The following GPHN variants were observed in gnomAD, a reference collection of about 807,000 sequenced individuals.
GPHN encodes gephyrin.
Under a neutral mutation model 95.5 loss-of-function variants are expected in GPHN, and 17 were observed. That is an observed-to-expected ratio of 0.18 (90% CI 0.12 to 0.27). The LOEUF (loss-of-function observed/expected upper bound fraction) is 0.27. Ranked by LOEUF, GPHN falls within the 10% of genes least tolerant of loss-of-function variation. GPHN has a pLI of 1.00. For missense variants in GPHN, 660 were observed against 978.1 expected (o/e 0.67, Z 4.34); for synonymous variants, 320 against 322.5 (o/e 0.99, Z 0.08).
At chr14:67,690,103 G>A in the GPHN span, 47 of 885,344 alleles carry the variant, frequency 5.3e-5, no homozygotes, top group Non-Finnish European at 7.2e-5. Context: ...TTATAGCCAC[G>A]GAAGCAGGTC....
intron 10 of GPHN, among the ~76,000 whole-genome samples, chr14:67,036,511 A>G (rs2074431527): frequency 6.8e-6 from 1 of 146,250 alleles, no homozygotes; most frequent in African/African-American, 2.5e-5. Flanking sequence ...GCACACACAC[A>G]CACACACACA....
intron 4 of GPHN, 74 bp downstream of exon 4, chr14:66,824,640 T>C (rs564346384): frequency 4.8e-5 from 34 of 707,096 alleles, no homozygotes; most frequent in Middle Eastern, 3.0e-4. Context: ...TTACTATATT[T>C]ATATTATTTT....
At chr14:66,630,589 A>C (rs1176720686) in intron 1 of GPHN, among the ~76,000 whole-genome samples, 1 of 151,952 alleles carries the variant, frequency 6.6e-6, no homozygotes, top group East Asian at 1.9e-4. Flanking sequence ...CTCCTGCATC[A>C]GTCTCCTGAG....
chr14:66,570,633 A>G (rs559037668), intron 1 of GPHN, among the ~76,000 whole-genome samples: 1 of 152,272 alleles, frequency 6.6e-6, no homozygotes, highest in Admixed American at 6.5e-5. Context: ...ATATATACCC[A>G]GAAGTGGGAT....
chr14:67,130,533 A>G (rs559592559), intron 17 of GPHN, among the ~76,000 whole-genome samples: 32 of 152,140 alleles, frequency 2.1e-4, no homozygotes, highest in African/African-American at 6.0e-4. Flanking sequence ...AGAGCATTCT[A>G]TGTCTCTGCT....
chr14:66,947,794 C>T (rs1476861757), intron 8 of GPHN, among the ~76,000 whole-genome samples: 4 of 151,938 alleles, frequency 2.6e-5, no homozygotes, highest in African/African-American at 9.7e-5. Context: ...CCTGTCTCTA[C>T]AAAAAGTAAA....
intron 4 of GPHN, among the ~76,000 whole-genome samples, chr14:66,846,173 C>A (rs1372435528): frequency 6.6e-6 from 1 of 152,116 alleles, no homozygotes; most frequent in Non-Finnish European, 1.5e-5. Flanking sequence ...GATTTTTATA[C>A]ACTCTATCCA....
chr14:67,302,114 C>A, the GPHN span: 1 of 1,599,606 alleles, frequency 6.3e-7, no homozygotes, highest in South Asian at 1.1e-5. Flanking sequence ...CGTGATATTC[C>A]GTTGGTAAGT....
At chr14:67,502,722 G>C in the GPHN span, among the ~76,000 whole-genome samples, 1 of 151,946 alleles carries the variant, frequency 6.6e-6, no homozygotes, top group Non-Finnish European at 1.5e-5. Context: ...AAAGTGCTGG[G>C]ATTATAGGCG....
At chr14:67,350,484 C>A in the GPHN span, 1 of 714,712 alleles carries the variant, frequency 1.4e-6, no homozygotes, top group Non-Finnish European at 2.2e-6. Flanking sequence ...TAAAAGAATT[C>A]TTTCTTATTA....
At chr14:67,382,438 C>T in the GPHN span, 2 of 1,605,778 alleles carry the variant, frequency 1.2e-6, no homozygotes, top group East Asian at 4.5e-5. Context: ...TTTTGTCTTT[C>T]TCTTTTAGAT....
intron 10 of GPHN, among the ~76,000 whole-genome samples, chr14:67,044,354 TAAAC>T (rs2074879482): frequency 6.6e-6 from 1 of 151,948 alleles, no homozygotes; most frequent in African/African-American, 2.4e-5. Flanking sequence ...AAACAAAAAA[TAAAC>T]AATAATAATT....
chr14:67,039,736 T>C (rs1438077566), intron 10 of GPHN, among the ~76,000 whole-genome samples: 1 of 152,158 alleles, frequency 6.6e-6, no homozygotes, highest in African/African-American at 2.4e-5. Context: ...GAGGTTACAG[T>C]GAGCTGAGAT....
At chr14:66,967,303 C>T (rs1275719294) in intron 9 of GPHN, among the ~76,000 whole-genome samples, 2 of 151,742 alleles carry the variant, frequency 1.3e-5, no homozygotes, top group African/African-American at 2.4e-5. Flanking sequence ...CTGGAAATAA[C>T]GTTTAAAAAA....
chr14:67,375,499 A>G, the GPHN span, among the ~76,000 whole-genome samples: 1 of 151,102 alleles, frequency 6.6e-6, no homozygotes, highest in Non-Finnish European at 1.5e-5. Flanking sequence ...CTTTTCTGCC[A>G]TGAGTGTTTC....
chr14:66,756,093 A>G (rs1056998875), intron 2 of GPHN, among the ~76,000 whole-genome samples: 1 of 152,196 alleles, frequency 6.6e-6, no homozygotes, highest in South Asian at 2.1e-4. Flanking sequence ...TGTGGGGCAC[A>G]TGGTAGAAGT....
At chr14:67,124,793 A>G (rs937739202) in intron 17 of GPHN, among the ~76,000 whole-genome samples, 6 of 146,568 alleles carry the variant, frequency 4.1e-5, no homozygotes, top group Non-Finnish European at 7.4e-5. Context: ...AATTCTGCCC[A>G]TTCTCCCTCT....
intron 1 of GPHN, among the ~76,000 whole-genome samples, chr14:66,622,500 T>C (rs2153319433): frequency 6.6e-6 from 1 of 152,286 alleles, no homozygotes; most frequent in South Asian, 2.1e-4. Flanking sequence ...CCTCAGAAAA[T>C]GGGATTTTCT....
chr14:66,639,913 T>G (rs1262637441), intron 1 of GPHN, among the ~76,000 whole-genome samples: 1 of 152,166 alleles, frequency 6.6e-6, no homozygotes, highest in Non-Finnish European at 1.5e-5. Context: ...TAAGTAGTGC[T>G]TATCGTATTT....
Sources: allele counts gnomAD v4.1 joint callset (sites outside exome capture counted in the v4.1 genomes callset), GRCh38; gene constraint gnomAD v4.1.1; transcripts MANE v1.5; gene names NCBI Gene and HGNC (gene_info 2026-07-23, HGNC 2026-07-21).